Variants in BMAL2 observed in about 807,000 individuals in gnomAD.
BMAL2 encodes basic helix-loop-helix ARNT-like protein 2.
chr12:27,401,465 A>G, the BMAL2 span: 3 of 1,544,658 alleles, frequency 1.9e-6, no homozygotes, highest in South Asian at 3.5e-5. Context: ...ATTAATCTTC[A>G]CAACATTGAT....
At chr12:27,403,638 AAC>A in the BMAL2 span, 1 of 656,104 alleles carries the variant, frequency 1.5e-6, no homozygotes, top group Non-Finnish European at 2.5e-6. Context: ...TACAAATGAT[AAC>A]CAGTTTAATA....
chr12:27,350,410 C>T, the BMAL2 span, among the ~76,000 whole-genome samples: 2 of 152,200 alleles, frequency 1.3e-5, no homozygotes, highest in African/African-American at 2.4e-5. Flanking sequence ...TTCCACAGTA[C>T]AGGACAAGGG....
At chr12:27,367,221 G>A in the BMAL2 span, among the ~76,000 whole-genome samples, 1 of 151,700 alleles carries the variant, frequency 6.6e-6, no homozygotes, top group Non-Finnish European at 1.5e-5. Flanking sequence ...TGCAACAGTG[G>A]ATCTAATAAC....
chr12:27,342,051 C>T, the BMAL2 span, among the ~76,000 whole-genome samples: 3 of 152,138 alleles, frequency 2.0e-5, no homozygotes, highest in East Asian at 5.8e-4. Context: ...ATTCTCATGC[C>T]TCAGCCTCCC....
At chr12:27,334,244 G>T in the BMAL2 span, among the ~76,000 whole-genome samples, 3 of 152,136 alleles carry the variant, frequency 2.0e-5, no homozygotes, top group Admixed American at 2.0e-4. Context: ...TTTCTGCTCC[G>T]TCTTGTGACT....
the BMAL2 span, among the ~76,000 whole-genome samples, chr12:27,412,480 G>A: frequency 6.6e-6 from 1 of 152,132 alleles, no homozygotes; most frequent in South Asian, 2.1e-4. Flanking sequence ...GTAAAGAGAT[G>A]AGGGGAGAGG....
chr12:27,406,317 GA>G, the BMAL2 span, among the ~76,000 whole-genome samples: 10 of 152,086 alleles, frequency 6.6e-5, no homozygotes, highest in Non-Finnish European at 1.3e-4. Flanking sequence ...TGAAATGAAG[GA>G]AAAAATGTTA....
chr12:27,376,648 GA>G, the BMAL2 span, among the ~76,000 whole-genome samples: 1 of 152,086 alleles, frequency 6.6e-6, no homozygotes, highest in Non-Finnish European at 1.5e-5. Flanking sequence ...AAGCACTAAA[GA>G]AAAATTGATC....
At chr12:27,401,540 G>T in the BMAL2 span, 1 of 1,600,020 alleles carries the variant, frequency 6.2e-7, no homozygotes, top group Non-Finnish European at 8.5e-7. Flanking sequence ...AGAGTAAGGA[G>T]AAAATACTTA....
the BMAL2 span, among the ~76,000 whole-genome samples, chr12:27,375,469 G>A: frequency 6.6e-6 from 1 of 152,152 alleles, no homozygotes; most frequent in Non-Finnish European, 1.5e-5. Context: ...TATATACTAT[G>A]ATCTGAGTTT....
the BMAL2 span, among the ~76,000 whole-genome samples, chr12:27,412,995 G>A: frequency 1.3e-5 from 2 of 150,990 alleles, no homozygotes; most frequent in East Asian, 3.9e-4. Flanking sequence ...TCAAAGTGCT[G>A]CAAGGAAAAA....
At chr12:27,332,901 G>C in the BMAL2 span, 1 of 262,388 alleles carries the variant, frequency 3.8e-6, no homozygotes, top group African/African-American at 2.3e-5. Flanking sequence ...CTGCGGGGCG[G>C]CGTCCCGTGC....
the BMAL2 span, among the ~76,000 whole-genome samples, chr12:27,410,666 A>G: frequency 1.3e-5 from 2 of 152,202 alleles, no homozygotes; most frequent in Non-Finnish European, 2.9e-5. Flanking sequence ...TAATGGGTGC[A>G]GCACACCAAC....
At chr12:27,420,356 G>A in the BMAL2 span, 1 of 1,608,372 alleles carries the variant, frequency 6.2e-7, no homozygotes, top group Admixed American at 1.7e-5. Flanking sequence ...TGACTTTACT[G>A]ATCACCTTTA....
At chr12:27,355,008 A>C in the BMAL2 span, among the ~76,000 whole-genome samples, 1 of 152,202 alleles carries the variant, frequency 6.6e-6, no homozygotes. Context: ...AATTAACTAA[A>C]GAGACATTAT....
chr12:27,339,330 T>G, the BMAL2 span, among the ~76,000 whole-genome samples: 1 of 152,212 alleles, frequency 6.6e-6, no homozygotes, highest in Admixed American at 6.5e-5. Context: ...ATGGTGTATA[T>G]TTACCACATT....
chr12:27,341,264 C>G, the BMAL2 span, among the ~76,000 whole-genome samples: 117 of 152,092 alleles, frequency 7.7e-4, 1 homozygote, highest in Admixed American at 3.8e-3. Context: ...TTGTAGATGG[C>G]TCTTATTATT....
the BMAL2 span, among the ~76,000 whole-genome samples, chr12:27,354,062 A>G: frequency 6.6e-6 from 1 of 152,226 alleles, no homozygotes; most frequent in Non-Finnish European, 1.5e-5. Flanking sequence ...CAATCCCATT[A>G]CTAGGTGTAT....
chr12:27,334,195 A>G, the BMAL2 span, among the ~76,000 whole-genome samples: 1 of 152,230 alleles, frequency 6.6e-6, no homozygotes, highest in Non-Finnish European at 1.5e-5. Flanking sequence ...TGTTGAAAAT[A>G]GAAGATGGCA....
Sources: gnomAD v4.1 joint callset for allele counts (sites outside exome capture counted in the v4.1 genomes callset) on GRCh38, gnomAD v4.1.1 for gene constraint, MANE v1.5 for transcripts, NCBI Gene and HGNC (gene_info 2026-07-23, HGNC 2026-07-21) for gene names.